ESRRG: variants seen among roughly 807,000 people sequenced by gnomAD.
ESRRG encodes the protein estrogen-related receptor gamma.
ESRRG carries 13 observed loss-of-function variants against 44.0 expected under a neutral mutation model. The ratio of observed to expected loss-of-function variants is 0.30; its 90% CI spans 0.19 to 0.47. The LOEUF is 0.47. ESRRG is among the 20% of genes least tolerant of loss of function. The pLI, the probability that ESRRG is intolerant of heterozygous loss-of-function variation, is 1.00. For synonymous variants in ESRRG, 215 were observed against 214.6 expected (o/e 1.00, Z -0.02); for missense variants, 395 against 580.6 (o/e 0.68, Z 3.29).
At chr1:216,758,139 C>G (rs1281829755) in intron 2 of ESRRG, among the ~76,000 whole-genome samples, 1 of 152,036 alleles carries the variant, frequency 6.6e-6, no homozygotes, top group Admixed American at 6.6e-5. Context: ...TCTAAATGTG[C>G]TCTGAATTAG....
intron 2 of ESRRG, among the ~76,000 whole-genome samples, chr1:216,749,160 C>T (rs964007976): frequency 4.6e-5 from 6 of 130,768 alleles, no homozygotes; most frequent in African/African-American, 1.4e-4. Context: ...TTTTTTTTTG[C>T]ACTGTTATGC....
At chr1:216,698,468 G>A (rs1390614777) in intron 1 of ESRRG, among the ~76,000 whole-genome samples, 1 of 140,810 alleles carries the variant, frequency 7.1e-6, no homozygotes, top group African/African-American at 2.6e-5. Context: ...GCAGTGAGCC[G>A]AGATCACGCC....
chr1:216,992,619 A>G (rs1483275932), intron 1 of ESRRG, among the ~76,000 whole-genome samples: 1 of 152,220 alleles, frequency 6.6e-6, no homozygotes, highest in African/African-American at 2.4e-5. Flanking sequence ...TTTCCTTTAA[A>G]CATTATTAGA....
intron 2 of ESRRG, among the ~76,000 whole-genome samples, chr1:216,838,185 G>A (rs2095597826): frequency 6.6e-6 from 1 of 152,130 alleles, no homozygotes; most frequent in Non-Finnish European, 1.5e-5. Flanking sequence ...CCTGAAGCCA[G>A]GAATTGCGAG....
intron 1 of ESRRG, among the ~76,000 whole-genome samples, chr1:216,960,869 G>A (rs1458382407): frequency 2.0e-5 from 3 of 152,106 alleles, no homozygotes; most frequent in African/African-American, 7.2e-5. Context: ...GGAATTACAG[G>A]CATAAATCAC....
At chr1:217,070,752 T>C (rs1163947219) in intron 1 of ESRRG, among the ~76,000 whole-genome samples, 1 of 152,230 alleles carries the variant, frequency 6.6e-6, no homozygotes, top group Non-Finnish European at 1.5e-5. Context: ...TACCTATACT[T>C]CTCTCCATGC....
chr1:216,577,998 A>C (rs1277327099), intron 3 of ESRRG, among the ~76,000 whole-genome samples: 1 of 152,072 alleles, frequency 6.6e-6, no homozygotes, highest in Non-Finnish European at 1.5e-5. Context: ...TGGAGCAGAA[A>C]TCCTGAGTGT....
intron 1 of ESRRG, among the ~76,000 whole-genome samples, chr1:217,133,097 C>A (rs566088415): frequency 5.9e-5 from 9 of 152,166 alleles, no homozygotes; most frequent in Middle Eastern, 3.2e-3. Flanking sequence ...AGGCCTAGCG[C>A]GGGAAGGACA....
intron 1 of ESRRG, among the ~76,000 whole-genome samples, chr1:216,987,497 C>A (rs2075058167): frequency 6.6e-6 from 1 of 152,178 alleles, no homozygotes; most frequent in South Asian, 2.1e-4. Flanking sequence ...CCATTACAAT[C>A]CTACTTCCTC....
At chr1:216,932,719 GTTT>G (rs397860904) in intron 2 of ESRRG, among the ~76,000 whole-genome samples, 50 of 70,324 alleles carry the variant, frequency 7.1e-4, no homozygotes, top group African/African-American at 2.2e-3. Context: ...CACCAAACTT[GTTT>G]TTTTTTTTTT....
intron 2 of ESRRG, among the ~76,000 whole-genome samples, chr1:216,857,316 T>A (rs1231191911): frequency 6.6e-6 from 1 of 151,326 alleles, no homozygotes; most frequent in East Asian, 1.9e-4. Context: ...TAGAAAACAA[T>A]TCTCTGAAGA....
intron 1 of ESRRG, among the ~76,000 whole-genome samples, chr1:217,044,304 C>T (rs2084445087): frequency 2.0e-5 from 3 of 152,132 alleles, no homozygotes. Flanking sequence ...CTTGGGCTCT[C>T]CTGCCTCCCT....
At chr1:216,607,317 G>T (rs929181506) in intron 3 of ESRRG, among the ~76,000 whole-genome samples, 1 of 152,180 alleles carries the variant, frequency 6.6e-6, no homozygotes, top group African/African-American at 2.4e-5. Context: ...TGACCATCAT[G>T]ACCTCTCTGT....
Position 216,755,090 on chromosome 1 carries a change from C to T in ESRRG, c.-13-77599G>A, listed in dbSNP as rs537269634. 5.9e-5 allele frequency among the ~76,000 whole-genome samples: 9 copies of T among 151,986 alleles called. No homozygotes were observed. In the South Asian group the frequency reaches 6.2e-4, roughly 11 times the overall value. On this transcript the variant is annotated intron_variant, in intron 2 of 7. Coordinates refer to the ESRRG transcript ENST00000359162. ...CAATAAAGAGAAAGGGGCTGCATAGCGGATATTTTATAGGTTCCAAAGCAA... is the reference window on the plus strand; with the variant it reads ...CAATAAAGAGAAAGGGGCTGCATAGTGGATATTTTATAGGTTCCAAAGCAA...
At chr1:216,908,511 A>C (rs2059929821) in intron 2 of ESRRG, among the ~76,000 whole-genome samples, 1 of 152,148 alleles carries the variant, frequency 6.6e-6, no homozygotes, top group South Asian at 2.1e-4. Context: ...TTTCCAGCAA[A>C]TTTGCAGGAC....
chr1:216,720,559 C>T (rs898616840), intron 1 of ESRRG, among the ~76,000 whole-genome samples: 1 of 152,012 alleles, frequency 6.6e-6, no homozygotes, highest in African/African-American at 2.4e-5. Context: ...CCTCTGATCT[C>T]GGCTTTTTTG....
intron 1 of ESRRG, among the ~76,000 whole-genome samples, chr1:217,076,297 A>G (rs1241286595): frequency 1.3e-5 from 2 of 152,188 alleles, no homozygotes; most frequent in Non-Finnish European, 2.9e-5. Context: ...CTATGCTTCC[A>G]AATGTCCCCT....
At chr1:216,895,921 A>G (rs1166063823) in intron 2 of ESRRG, among the ~76,000 whole-genome samples, 7 of 152,180 alleles carry the variant, frequency 4.6e-5, no homozygotes, top group Non-Finnish European at 8.8e-5. Flanking sequence ...AAGACACAAA[A>G]ATAGGTTTCC....
chr1:216,535,328 C>T (rs997392587), intron 5 of ESRRG, among the ~76,000 whole-genome samples: 1 of 152,044 alleles, frequency 6.6e-6, no homozygotes, highest in African/African-American at 2.4e-5. Context: ...CCAGACTAAA[C>T]CTTCCACTGA....
Sources: allele counts gnomAD v4.1 joint callset (sites outside exome capture counted in the v4.1 genomes callset), GRCh38; gene constraint gnomAD v4.1.1; transcripts MANE v1.5; gene names NCBI Gene and HGNC (gene_info 2026-07-23, HGNC 2026-07-21).